The following KCNH8 variants were observed in gnomAD, a reference collection of about 807,000 sequenced individuals.
KCNH8 encodes the protein voltage-gated delayed rectifier potassium channel KCNH8.
A neutral mutation model predicts 103.6 loss-of-function variants in KCNH8; 70 were observed. The observed-to-expected ratio is 0.68, with a 90% CI of 0.56 to 0.82. KCNH8 has a LOEUF of 0.82. Ranked by LOEUF, KCNH8 falls within the 40% of genes least tolerant of loss-of-function variation. The probability of loss-of-function intolerance (pLI) is 0.00; values close to 1 mark genes in which losing one functional copy is unlikely to be tolerated. For missense variants in KCNH8, 1,217 were observed against 1,329.9 expected (o/e 0.92, Z 1.32); for synonymous variants, 498 against 489.4 (o/e 1.02, Z -0.23).
At chr3:19,355,207 G>A (rs2065863564) in intron 5 of KCNH8, among the ~76,000 whole-genome samples, 1 of 152,140 alleles carries the variant, frequency 6.6e-6, no homozygotes, top group Non-Finnish European at 1.5e-5. Flanking sequence ...CAGTTAGAAT[G>A]GCGATCATTA....
chr3:19,151,254 T>C (rs1164924652), intron 1 of KCNH8, among the ~76,000 whole-genome samples: 1 of 152,150 alleles, frequency 6.6e-6, no homozygotes, highest in Non-Finnish European at 1.5e-5. Context: ...ATAGCTGTCA[T>C]TTATTTTCTT....
chr3:19,219,371 TTGTTTGTC>T (rs1380725630), intron 1 of KCNH8, among the ~76,000 whole-genome samples: 87 of 152,324 alleles, frequency 5.7e-4, no homozygotes, highest in African/African-American at 2.1e-3. Context: ...AAAATGTTTA[TTGTTTGTC>T]TTCTGACCCT....
intron 7 of KCNH8, among the ~76,000 whole-genome samples, chr3:19,418,862 G>A (rs554406297): frequency 2.0e-5 from 3 of 152,278 alleles, no homozygotes; most frequent in Admixed American, 2.0e-4. Flanking sequence ...GCTGTTTTTA[G>A]GTAAAGGTCT....
intron 1 of KCNH8, among the ~76,000 whole-genome samples, chr3:19,236,478 C>A (rs2064066896): frequency 6.6e-6 from 1 of 152,116 alleles, no homozygotes; most frequent in African/African-American, 2.4e-5. Context: ...AAGGAAAACC[C>A]TGGTATGTAC....
chr3:19,151,626 T>C (rs1381420230), intron 1 of KCNH8, among the ~76,000 whole-genome samples: 4 of 152,036 alleles, frequency 2.6e-5, no homozygotes, highest in African/African-American at 9.7e-5. Context: ...AACATAAAAC[T>C]CTATAACATA....
chr3:19,440,717 T>TA (rs1349968871), intron 8 of KCNH8, among the ~76,000 whole-genome samples: 3 of 152,160 alleles, frequency 2.0e-5, no homozygotes, highest in Admixed American at 1.3e-4. Flanking sequence ...ACCAAATACT[T>TA]ACTGAATGTC....
At chr3:19,472,690 A>C (rs2067887772) in intron 11 of KCNH8, among the ~76,000 whole-genome samples, 2 of 152,190 alleles carry the variant, frequency 1.3e-5, no homozygotes, top group African/African-American at 4.8e-5. Flanking sequence ...ATTGGATAAC[A>C]AGTGGCATAA....
At chr3:19,473,682 G>T (rs1415058864) in intron 11 of KCNH8, among the ~76,000 whole-genome samples, 2 of 152,112 alleles carry the variant, frequency 1.3e-5, no homozygotes, top group Non-Finnish European at 2.9e-5. Flanking sequence ...CTTATTAGTG[G>T]AAATAAATGA....
intron 11 of KCNH8, among the ~76,000 whole-genome samples, chr3:19,490,991 T>TA (rs908095895): frequency 3.2e-4 from 49 of 151,950 alleles, no homozygotes; most frequent in Middle Eastern, 3.4e-3. Context: ...GAGTTTCCAA[T>TA]AAAAAAAATA....
At chr3:19,258,886 C>T (rs1315080496) in intron 2 of KCNH8, among the ~76,000 whole-genome samples, 4 of 130,216 alleles carry the variant, frequency 3.1e-5, no homozygotes, top group Non-Finnish European at 6.4e-5. Flanking sequence ...GAGTAAATAA[C>T]TTCATTTTTA....
intron 4 of KCNH8, 99 bp from the exon 5 acceptor site, chr3:19,347,626 G>C: frequency 7.2e-7 from 1 of 1,397,660 alleles, no homozygotes; most frequent in Non-Finnish European, 9.8e-7. Flanking sequence ...GCTTTGTGTA[G>C]TGAATGATCC....
intron 1 of KCNH8, among the ~76,000 whole-genome samples, chr3:19,184,413 G>A (rs1257287196): frequency 6.6e-6 from 1 of 151,930 alleles, no homozygotes; most frequent in Admixed American, 6.6e-5. Context: ...GCTTAGGATA[G>A]TGGATCAGCT....
intron 11 of KCNH8, among the ~76,000 whole-genome samples, chr3:19,486,219 C>A (rs570338324): frequency 5.3e-5 from 8 of 152,170 alleles, no homozygotes; most frequent in Non-Finnish European, 1.2e-4. Flanking sequence ...GAGCCCAACA[C>A]CTCTACACAG....
chr3:19,250,812 A>G (rs762071276), intron 1 of KCNH8, among the ~76,000 whole-genome samples: 3 of 152,212 alleles, frequency 2.0e-5, no homozygotes, highest in Admixed American at 6.5e-5. Context: ...TTAAATTACA[A>G]TATCTTAGAG....
In KCNH8 at chr3:19,517,998, A is replaced by G. The variant is rs765216447; in HGVS notation, c.2543A>G (p.Asp848Gly). ...ATTCTGTATGTGTGTCACTTTTCAGATCCAGAGATTGGAGCTGCTGTTCTC... is the reference window on the plus strand; with the variant it reads ...ATTCTGTATGTGTGTCACTTTTCAGGTCCAGAGATTGGAGCTGCTGTTCTC... ...SEPRISPPLG[D>G]PEIGAAVLFI... The change falls in exon 15 of 16, where the codon GAT (aspartate) becomes GGT (glycine). Residue 848 changes from aspartate (D) to glycine (G), a missense_variant and splice_region_variant. By Grantham distance (94) the Asp-to-Gly change is moderately conservative. Around this residue, in one of 3 missense-constraint regions of KCNH8, gnomAD observed 558 missense variants for 495.8 expected, o/e 1.13. Transcript: ENST00000328405. The G allele has an allele frequency of 8.1e-6, 13 of 1,611,680 alleles. No individual in the cohort carries two copies. In the South Asian group the frequency reaches 1.4e-4, roughly 18 times the overall value.
chr3:19,325,578 G>A (rs753235778), intron 3 of KCNH8, among the ~76,000 whole-genome samples: 41 of 152,084 alleles, frequency 2.7e-4, no homozygotes, highest in Non-Finnish European at 5.6e-4. Context: ...CAACAGTCAT[G>A]AATAAAAGCT....
At chr3:19,215,601 C>T (rs963967429) in intron 1 of KCNH8, among the ~76,000 whole-genome samples, 2 of 152,144 alleles carry the variant, frequency 1.3e-5, no homozygotes, top group Non-Finnish European at 2.9e-5. Flanking sequence ...TGTTTTTGAC[C>T]ATTGCATGCA....
intron 11 of KCNH8, among the ~76,000 whole-genome samples, chr3:19,494,460 CCTT>C (rs1223331346): frequency 6.6e-6 from 1 of 152,174 alleles, no homozygotes; most frequent in Non-Finnish European, 1.5e-5. Context: ...ACTTGCTCCT[CCTT>C]GCCTTCTGCC....
At chr3:19,506,614 G>A (rs76570061) in intron 11 of KCNH8, among the ~76,000 whole-genome samples, 6,594 of 152,168 alleles carry the variant, frequency 0.043, 344 homozygotes, top group East Asian at 0.26. Context: ...GCAGATCTCG[G>A]TTTGGCTCTC....
Sources: gnomAD v4.1 joint callset for allele counts (sites outside exome capture counted in the v4.1 genomes callset) on GRCh38, gnomAD v4.1.1 for gene constraint, gnomAD v4.1.1 regional missense constraint, MANE v1.5 for transcripts, NCBI Gene and HGNC (gene_info 2026-07-23, HGNC 2026-07-21) for gene names.